MALRD1: variants seen among roughly 807,000 people sequenced by gnomAD.
The protein encoded by MALRD1 is MAM and LDL-receptor class A domain-containing protein 1.
In MALRD1, 247 loss-of-function variants were observed where a neutral mutation model predicts 242.1. That is an observed-to-expected ratio of 1.02 (90% CI 0.92 to 1.13). The LOEUF (loss-of-function observed/expected upper bound fraction) is 1.13. MALRD1 is among the 50% of genes most tolerant of loss of function. The pLI is 0.00. For synonymous variants in MALRD1, 995 were observed against 866.6 expected (o/e 1.15, Z -2.60); for missense variants, 2,989 against 2,533.1 (o/e 1.18, Z -3.86).
intron 33 of MALRD1, among the ~76,000 whole-genome samples, chr10:19,593,613 A>G (rs904843249): frequency 6.6e-6 from 1 of 152,202 alleles, no homozygotes; most frequent in Non-Finnish European, 1.5e-5. Flanking sequence ...GAGACAATAC[A>G]AAGTGTAAGA....
upstream of MALRD1, among the ~76,000 whole-genome samples, chr10:19,047,731 T>A (rs1013734373): frequency 1.3e-5 from 2 of 152,110 alleles, no homozygotes; most frequent in African/African-American, 4.8e-5. Context: ...CCTGTCCCCC[T>A]GCCCCCCAGA....
chr10:19,181,983 A>G (rs12245697), intron 14 of MALRD1, among the ~76,000 whole-genome samples: 45,766 of 151,880 alleles, frequency 0.3, 7,228 homozygotes, highest in Admixed American at 0.37. Flanking sequence ...GGAAGTTGGA[A>G]AATATATTCA....
intron 33 of MALRD1, among the ~76,000 whole-genome samples, chr10:19,568,890 C>A (rs964350844): frequency 2.0e-5 from 3 of 152,016 alleles, no homozygotes; most frequent in African/African-American, 7.2e-5. Context: ...ATGGGCTAAG[C>A]ATTTTGCACA....
intron 18 of MALRD1, among the ~76,000 whole-genome samples, chr10:19,252,339 C>A (rs776297632): frequency 1.3e-5 from 2 of 152,026 alleles, no homozygotes; most frequent in Non-Finnish European, 2.9e-5. Flanking sequence ...TCTTCTCTAT[C>A]GTAAATGGTG....
chr10:19,482,705 A>G (rs1837054640), intron 29 of MALRD1, among the ~76,000 whole-genome samples: 1 of 151,562 alleles, frequency 6.6e-6, no homozygotes, highest in African/African-American at 2.4e-5. Flanking sequence ...ACACAAAGCA[A>G]AAAATACTTA....
intron 2 of MALRD1, among the ~76,000 whole-genome samples, chr10:19,081,169 A>C (rs1835478757): frequency 6.6e-6 from 1 of 152,064 alleles, no homozygotes; most frequent in Non-Finnish European, 1.5e-5. Context: ...GTGGGTGAGA[A>C]TGTAAATTAG....
intron 31 of MALRD1, among the ~76,000 whole-genome samples, chr10:19,530,597 G>C (rs555403938): frequency 2.0e-5 from 3 of 149,988 alleles, no homozygotes; most frequent in African/African-American, 7.3e-5. Flanking sequence ...CCACAAAGGG[G>C]AATGATAGCT....
chr10:19,249,400 T>C (rs1409373054), intron 18 of MALRD1, among the ~76,000 whole-genome samples: 1 of 151,764 alleles, frequency 6.6e-6, no homozygotes, highest in East Asian at 1.9e-4. Flanking sequence ...GTAATCAGTA[T>C]CTTTGGCACA....
chr10:19,482,366 C>A, intron 29 of MALRD1, among the ~76,000 whole-genome samples: 1 of 151,524 alleles, frequency 6.6e-6, no homozygotes, highest in Admixed American at 6.6e-5. Context: ...TATTAAAAAG[C>A]TAAAAAAAAG....
intron 31 of MALRD1, among the ~76,000 whole-genome samples, chr10:19,513,977 G>A (rs1833521184): frequency 2.0e-5 from 3 of 152,124 alleles, no homozygotes; most frequent in South Asian, 4.2e-4. Flanking sequence ...TCAAATGATG[G>A]GATCTTAAAG....
chr10:19,733,918 A>C (rs1210806799), intron 39 of MALRD1, among the ~76,000 whole-genome samples: 1 of 151,898 alleles, frequency 6.6e-6, no homozygotes, highest in East Asian at 1.9e-4. Flanking sequence ...TCCCCACCCG[A>C]CCAGAGGTGA....
intron 32 of MALRD1, among the ~76,000 whole-genome samples, chr10:19,537,117 G>T (rs1834722476): frequency 6.6e-6 from 1 of 152,156 alleles, no homozygotes; most frequent in Non-Finnish European, 1.5e-5. Flanking sequence ...TGAAGATGGA[G>T]GAAGAGATCA....
intron 36 of MALRD1, among the ~76,000 whole-genome samples, chr10:19,637,994 G>C (rs1013274404): frequency 5.3e-5 from 8 of 151,188 alleles, no homozygotes; most frequent in South Asian, 2.1e-4. Flanking sequence ...CCAGCTACTC[G>C]GGAGGCTGAG....
intron 21 of MALRD1, among the ~76,000 whole-genome samples, 175 bp downstream of exon 21, chr10:19,283,356 A>G (rs1167153342): frequency 1.3e-5 from 2 of 152,226 alleles, no homozygotes; most frequent in Non-Finnish European, 2.9e-5. Context: ...TAAAAAAGCA[A>G]TGAATGCTCT....
At chr10:19,100,164 G>C (rs1836200390) in intron 4 of MALRD1, among the ~76,000 whole-genome samples, 1 of 151,826 alleles carries the variant, frequency 6.6e-6, no homozygotes, top group African/African-American at 2.4e-5. Flanking sequence ...AATCTGTCTA[G>C]CTAGACTATT....
At chr10:19,408,906 C>T (rs1249956045) in intron 28 of MALRD1, among the ~76,000 whole-genome samples, 1 of 152,182 alleles carries the variant, frequency 6.6e-6, no homozygotes, top group African/African-American at 2.4e-5. Context: ...AAAAACTAAA[C>T]ATGCAATACC....
At chr10:19,692,108 A>G (rs1303690362) in intron 36 of MALRD1, among the ~76,000 whole-genome samples, 174 bp from the exon 37 acceptor site, 1 of 152,198 alleles carries the variant, frequency 6.6e-6, no homozygotes, top group African/African-American at 2.4e-5. Flanking sequence ...TGAAAATAAT[A>G]CAATTTAATT....
chr10:19,688,388 T>C (rs889886791), intron 36 of MALRD1, among the ~76,000 whole-genome samples: 1 of 152,072 alleles, frequency 6.6e-6, no homozygotes, highest in Non-Finnish European at 1.5e-5. Flanking sequence ...TTAGTCTCCT[T>C]GGTAATTAGG....
At chr10:19,052,604 A>G (rs1451687927) in intron 1 of MALRD1, among the ~76,000 whole-genome samples, 11 of 152,082 alleles carry the variant, frequency 7.2e-5, no homozygotes, top group Admixed American at 7.2e-4. Flanking sequence ...CTTCCGTGCA[A>G]CAACAGCCCT....
Sources: allele counts gnomAD v4.1 joint callset (sites outside exome capture counted in the v4.1 genomes callset), GRCh38; gene constraint gnomAD v4.1.1; transcripts MANE v1.5; gene names NCBI Gene and HGNC (gene_info 2026-07-23, HGNC 2026-07-21).